Variants in DHODH observed in about 807,000 individuals in gnomAD.
DHODH encodes the protein dihydroorotate dehydrogenase (quinone), mitochondrial.
A neutral mutation model predicts 39.7 loss-of-function variants in DHODH; 30 were observed. That is an observed-to-expected ratio of 0.76 (90% CI 0.57 to 1.02). The LOEUF (loss-of-function observed/expected upper bound fraction) is 1.02. DHODH is among the 50% of genes least tolerant of loss of function. The pLI is 0.00. For synonymous variants in DHODH, 222 were observed against 213.8 expected (o/e 1.04, Z -0.34); for missense variants, 531 against 520.8 (o/e 1.02, Z -0.19).
At chr16:72,021,025 C>A in intron 4 of DHODH, 99 bp from the exon 5 acceptor site, 1 of 1,255,578 alleles carries the variant, frequency 8.0e-7, no homozygotes, top group Non-Finnish European at 1.1e-6. Context: ...GGAGGGAAGG[C>A]CTGCGCGGCT....
chr16:72,020,107 C>G (rs2041187154), intron 4 of DHODH, among the ~76,000 whole-genome samples: 1 of 151,898 alleles, frequency 6.6e-6, no homozygotes, highest in South Asian at 2.1e-4. Context: ...GAAACCCCAT[C>G]TCTACTAAAA....
chr16:72,023,680 C>G (rs994818819), intron 8 of DHODH, 47 bp downstream of exon 8: 1 of 1,608,106 alleles, frequency 6.2e-7, no homozygotes, highest in South Asian at 1.1e-5. Context: ...GGCAGAGGTT[C>G]ATTTAGATCA....
At chr16:72,021,039 C>T in intron 4 of DHODH, 85 bp from the exon 5 acceptor site, 2 of 1,398,634 alleles carry the variant, frequency 1.4e-6, no homozygotes, top group Non-Finnish European at 2.0e-6. Context: ...CGCGGCTGTC[C>T]ACAGGTGGTT....
chr16:72,021,690 C>G (rs2041219221), intron 5 of DHODH, among the ~76,000 whole-genome samples: 1 of 152,176 alleles, frequency 6.6e-6, no homozygotes, highest in South Asian at 2.1e-4. Flanking sequence ...ACGTTGGACA[C>G]CGTGGCTCAT....
Position 72,021,422 on chromosome 16 carries a change from C to G in DHODH, c.705+111C>G. On this transcript the variant is annotated intron_variant, in intron 5 of 8. Coordinates refer to ENST00000219240, the MANE Select transcript of DHODH (RefSeq NM_001361.5). ...TCACCCTCAGAAGCTGTCCTTAGCA[C>G]CTAGACCAGTAGGACCCCTGGCTAT... is the stretch of plus-strand genomic sequence containing the variant. 6 of 1,204,756 alleles carry G rather than the reference C, an allele frequency of 5.0e-6. No homozygotes were observed. In the East Asian group the frequency reaches 1.3e-4, roughly 26 times the overall value. 74.6% of individuals were successfully genotyped at this position (1,204,756 alleles called of 1,614,324 possible).
Position 72,025,124 on chromosome 16 carries a change from T to C in DHODH, c.*925T>C, listed in dbSNP as rs1316353829. The C allele has an allele frequency of 6.6e-6, 1 of 152,258 alleles. No homozygotes were observed. Among genetic ancestry groups the C allele is most frequent in the African/African-American group, 2.4e-5 (1 of 41,462 alleles). 9.4% of individuals were successfully genotyped at this position (152,258 alleles called of 1,614,324 possible). ...TATCTCCTAAGCATCCTGATGTTAG[T>C]TTTTTGACTATAAAATTGACCTGCA... On this transcript the variant is annotated 3_prime_UTR_variant, in exon 9 of 9. Coordinates refer to ENST00000219240, the MANE Select transcript of DHODH (RefSeq NM_001361.5).
chr16:72,009,971 C>CTA (rs2041065740), intron 1 of DHODH, among the ~76,000 whole-genome samples: 2 of 152,184 alleles, frequency 1.3e-5, no homozygotes, highest in East Asian at 3.9e-4. Flanking sequence ...TGGTCTAGAA[C>CTA]TATTGGCCTC....
chr16:72,012,393 G>GAGCATTATTATTTTATGTCATGTAAT, intron 2 of DHODH, 131 bp downstream of exon 2: 1 of 759,690 alleles, frequency 1.3e-6, no homozygotes. Flanking sequence ...AATTCAGTCT[G>GAGCATTATTATTTTATGTCATGTAAT]AGCATTATTA....
chr16:72,012,306 G>T (rs754794207), intron 2 of DHODH, 44 bp downstream of exon 2: 2 of 1,575,888 alleles, frequency 1.3e-6, no homozygotes, highest in East Asian at 2.2e-5. Context: ...AAAGGCGAAG[G>T]CTGCAGTCCC....
chr16:72,009,005 G>A lies in DHODH; in HGVS notation c.21+220G>A, dbSNP rs2041051676. 2.7e-6 allele frequency: 4 copies of A among 1,461,738 alleles called. No individual in the cohort carries two copies. The Admixed American group carries it at 9.9e-5, about 36-fold the overall frequency. The allele number at this position is 1,461,738 out of a possible 1,614,324, so 90.5% of individuals were successfully genotyped here. A position where few individuals can be genotyped will look rare whatever the true frequency, so the allele number is the denominator to read the frequency against. On this transcript the variant is annotated intron_variant, in intron 1 of 8. Transcript: ENST00000219240. ...GCAGACAGCGCCTGCAGGTCTGGGTGGGTGCTGATCTGAGTGTCTGCGCCT... is the reference window on the plus strand; with the variant it reads ...GCAGACAGCGCCTGCAGGTCTGGGTAGGTGCTGATCTGAGTGTCTGCGCCT...
At chr16:72,023,726 T>C (rs1003206230) in intron 8 of DHODH, 93 bp downstream of exon 8, 2 of 1,572,900 alleles carry the variant, frequency 1.3e-6, no homozygotes, top group Non-Finnish European at 1.7e-6. Context: ...CTGTTTCTTA[T>C]TCATTCAAAA....
intron 4 of DHODH, among the ~76,000 whole-genome samples, chr16:72,019,793 G>T (rs2041182757): frequency 6.6e-6 from 1 of 152,158 alleles, no homozygotes; most frequent in African/African-American, 2.4e-5. Flanking sequence ...TTTCCTCAGA[G>T]AACTAAAATT....
At chr16:72,023,962 A>G (rs964843337) in intron 8 of DHODH, among the ~76,000 whole-genome samples, 183 bp from the exon 9 acceptor site, 1 of 152,126 alleles carries the variant, frequency 6.6e-6, no homozygotes, top group East Asian at 1.9e-4. Context: ...CTTAAAAGCA[A>G]TTTCCTTCCT....
chr16:72,015,159 A>T (rs2041128629), intron 3 of DHODH, among the ~76,000 whole-genome samples: 1 of 152,244 alleles, frequency 6.6e-6, no homozygotes, highest in South Asian at 2.1e-4. Context: ...ACAAGTATTT[A>T]AAAAAACGTA....
At chr16:72,021,032 G>A (rs933179017) in intron 4 of DHODH, 92 bp from the exon 5 acceptor site, 16 of 1,324,016 alleles carry the variant, frequency 1.2e-5, no homozygotes, top group African/African-American at 2.9e-5. Context: ...AGGCCTGCGC[G>A]GCTGTCCACA....
intron 1 of DHODH, chr16:72,009,045 A>C: frequency 7.1e-7 from 1 of 1,409,922 alleles, no homozygotes; most frequent in Non-Finnish European, 9.2e-7. Context: ...CATGTTTTTG[A>C]GCCTGGCACA....
At chr16:72,017,799 C>G (rs980297215) in intron 4 of DHODH, among the ~76,000 whole-genome samples, 1 of 49,620 alleles carries the variant, frequency 2.0e-5, no homozygotes, top group Non-Finnish European at 3.8e-5. Flanking sequence ...GAGACGGAGT[C>G]TCGCTCTGTC....
At chr16:72,015,523 T>G in intron 3 of DHODH, 1 of 185,410 alleles carries the variant, frequency 5.4e-6, no homozygotes, top group Non-Finnish European at 1.0e-5. Flanking sequence ...AAGAGCCTCC[T>G]TGGGGAGATT....
chr16:72,020,361 A>ATGTGTG, intron 4 of DHODH: 1 of 69,414 alleles, frequency 1.4e-5, no homozygotes, highest in African/African-American at 6.0e-5. Flanking sequence ...ATATGTGTAT[A>ATGTGTG]TATATATATA....
Sources: allele counts gnomAD v4.1 joint callset (sites outside exome capture counted in the v4.1 genomes callset), GRCh38; gene constraint gnomAD v4.1.1; transcripts MANE v1.5; gene names NCBI Gene and HGNC (gene_info 2026-07-23, HGNC 2026-07-21).